ZNF367: variants seen among roughly 807,000 people sequenced by gnomAD.
ZNF367 encodes C2H2 zinc finger protein ZFF29.
A neutral mutation model predicts 31.8 loss-of-function variants in ZNF367; 11 were observed. The ratio of observed to expected loss-of-function variants is 0.35; its 90% CI spans 0.22 to 0.57. ZNF367 has a LOEUF of 0.57. ZNF367 is among the 20% of genes least tolerant of loss of function. The pLI is 0.85. For missense variants in ZNF367, 353 were observed against 484.1 expected, an observed-to-expected ratio of 0.73 and a Z score of 2.54; for synonymous variants, 199 against 202.4, an observed-to-expected ratio of 0.98 and a Z score of 0.14.
At position 96,398,087 on chromosome 9, in the gene ZNF367, C is replaced by CA. The variant is rs374810647; in HGVS notation, c.571+76dup. 1.5e-3 allele frequency: 575 copies of CA among 379,660 alleles called. 24 individuals are homozygous for CA. Among genetic ancestry groups the CA allele is most frequent in the Non-Finnish European group, 1.7e-3 (438 of 256,982 alleles). The allele number at this position is 379,660 out of a possible 1,614,324, so 23.5% of individuals were successfully genotyped here. On this transcript the variant is annotated intron_variant, in intron 2 of 4. Transcript: ENST00000375256. ...CCTGGGCAACAGAGCGAGACTATCT[C>CA]AAAAAAAAAAAAAAAAAAAAAAAAA...
intron 1 of ZNF367, among the ~76,000 whole-genome samples, chr9:96,401,003 A>T (rs1339895343): frequency 6.6e-6 from 1 of 152,202 alleles, no homozygotes; most frequent in African/African-American, 2.4e-5. Context: ...AGGCAGGAGG[A>T]TCACTTGAAT....
Position 96,386,834 on chromosome 9 carries a change from G to C in ZNF367, c.*1403C>G, listed in dbSNP as rs971626940. 1 of 152,096 alleles carries C rather than the reference G, an allele frequency of 6.6e-6. No individual in the cohort carries two copies. Among genetic ancestry groups the C allele is most frequent in the Non-Finnish European group, 1.5e-5 (1 of 68,016 alleles). 9.4% of individuals were successfully genotyped at this position (152,096 alleles called of 1,614,324 possible). A position where few individuals can be genotyped will look rare whatever the true frequency, so the allele number is the denominator to read the frequency against. ...ACTTTGTAATGTTTAAACTACATCT[G>C]TAGGAACGTCTTCAACTCAAAAAAG... On this transcript the variant is annotated 3_prime_UTR_variant, in exon 5 of 5. Transcript: ENST00000375256.
intron 1 of ZNF367, among the ~76,000 whole-genome samples, chr9:96,406,502 A>T (rs565831500): frequency 6.6e-6 from 1 of 152,350 alleles, no homozygotes; most frequent in African/African-American, 2.4e-5. Flanking sequence ...TGAATATTCA[A>T]ATTAGTTGTA....
chr9:96,415,647 G>A (rs926458363), intron 1 of ZNF367, among the ~76,000 whole-genome samples: 1 of 150,966 alleles, frequency 6.6e-6, no homozygotes. Context: ...ACGGGCGCCC[G>A]CCACCACGTC....
At chr9:96,413,491 G>A (rs1048063619) in intron 1 of ZNF367, among the ~76,000 whole-genome samples, 3 of 152,134 alleles carry the variant, frequency 2.0e-5, no homozygotes, top group East Asian at 1.9e-4. Flanking sequence ...AGTAGGATAC[G>A]GCAGCCGGTA....
Position 96,387,987 on chromosome 9 carries a change from A to G in ZNF367, c.*250T>C. 1 of 389,534 alleles carries G rather than the reference A, an allele frequency of 2.6e-6. No homozygotes were observed. Among genetic ancestry groups the G allele is most frequent in the East Asian group, 3.8e-5 (1 of 26,366 alleles). 24.1% of individuals were successfully genotyped at this position (389,534 alleles called of 1,614,324 possible). A position where few individuals can be genotyped will look rare whatever the true frequency, so the allele number is the denominator to read the frequency against. ...CTTGCAAAATCTAGCTTCCCACAATATGTAGTTTTCTACCCTGTACTGTGC... is the reference window on the plus strand; with the variant it reads ...CTTGCAAAATCTAGCTTCCCACAATGTGTAGTTTTCTACCCTGTACTGTGC... On this transcript the variant is annotated 3_prime_UTR_variant, in exon 5 of 5. Coordinates refer to ENST00000375256, the MANE Select transcript of ZNF367 (RefSeq NM_153695.4).
rs568437898 is a variant in ZNF367, at chr9:96,407,896, G to A, written c.421-9582C>T. The A allele has an allele frequency of 1.9e-4, 83 of 430,112 alleles. No individual in the cohort carries two copies. The East Asian group carries it at 3.1e-3, about 16-fold the overall frequency. The allele number at this position is 430,112 out of a possible 1,614,324, so 26.6% of individuals were successfully genotyped here. A position where few individuals can be genotyped will look rare whatever the true frequency, so the allele number is the denominator to read the frequency against. ...GCTGGAATTACAGGCATGAGCCACC[G>A]CGCCCGGCCAACGTGAGTAATTTTT... On this transcript the variant is annotated intron_variant, in intron 1 of 4. Coordinates refer to ENST00000375256, the MANE Select transcript of ZNF367 (RefSeq NM_153695.4).
At chr9:96,411,968 T>C (rs1472487888) in intron 1 of ZNF367, among the ~76,000 whole-genome samples, 3 of 152,154 alleles carry the variant, frequency 2.0e-5, no homozygotes, top group Non-Finnish European at 2.9e-5. Flanking sequence ...GCTGGGACTA[T>C]AGGCAAGCGT....
chr9:96,407,463 A>C lies in ZNF367; in HGVS notation c.421-9149T>G. On this transcript the variant is annotated intron_variant, in intron 1 of 4. Coordinates refer to ENST00000375256, the MANE Select transcript of ZNF367 (RefSeq NM_153695.4). ...AACAGCGCCATGCTGAGAAAATATA[A>C]ATGAAAAAAAGACTATCAAAGATGC... 10 of 1,357,080 alleles carry C rather than the reference A, an allele frequency of 7.4e-6. No homozygotes were observed. In the South Asian group the frequency reaches 9.6e-5, roughly 13 times the overall value. 84.1% of individuals were successfully genotyped at this position (1,357,080 alleles called of 1,614,324 possible).
intron 1 of ZNF367, among the ~76,000 whole-genome samples, chr9:96,402,687 G>A (rs1255665378): frequency 7.1e-6 from 1 of 140,938 alleles, no homozygotes; most frequent in Non-Finnish European, 1.5e-5. Flanking sequence ...GGCCAGGCTG[G>A]TCTTGAACTC....
At chr9:96,395,048 TA>T in intron 2 of ZNF367, 106 bp from the exon 3 acceptor site, 1 of 1,273,116 alleles carries the variant, frequency 7.9e-7, no homozygotes, top group South Asian at 1.4e-5. Flanking sequence ...CCAATAACAA[TA>T]AAACATGTCA....
chr9:96,417,823 C>T lies in ZNF367; in HGVS notation c.210G>A (p.Pro70=). Residue 70 remains proline (P), a synonymous_variant, in exon 1 of 5, where the codon CCG becomes CCA. Coordinates refer to ENST00000375256, the MANE Select transcript of ZNF367 (RefSeq NM_153695.4). This position sits in a 1 kb window ranked among gnomAD's most constrained non-coding sequence, Gnocchi z 5.0. ...SPGFSDFMVY[P]WRWGENAHNV... is the part of the protein sequence containing the mutation. ...TGTGTGCGTTCTCGCCCCAGCGCCA[C>T]GGGTACACCATGAAGTCGCTGAAGC... The T allele has an allele frequency of 6.9e-7, 1 of 1,456,026 alleles. No individual in the cohort carries two copies. The highest frequency in any genetic ancestry group is 9.0e-7 in the Non-Finnish European group (1 of 1,109,948). The allele number at this position is 1,456,026 out of a possible 1,614,324, so 90.2% of individuals were successfully genotyped here.
intron 1 of ZNF367, among the ~76,000 whole-genome samples, chr9:96,401,876 A>G (rs1831608687): frequency 6.8e-6 from 1 of 148,112 alleles, no homozygotes; most frequent in African/African-American, 2.5e-5. Context: ...GTGTGTGCCT[A>G]TAGTCCCAGC....
intron 2 of ZNF367, 114 bp from the exon 3 acceptor site, chr9:96,395,056 G>T: frequency 8.5e-7 from 1 of 1,172,194 alleles, no homozygotes; most frequent in Non-Finnish European, 1.2e-6. Flanking sequence ...AATAAAACAT[G>T]TCATGGCCCC....
rs577976056 is a variant in ZNF367 at position 96,417,584 on chromosome 9, C to T, written c.420+29G>A. The T allele has an allele frequency of 5.1e-6, 2 of 392,820 alleles. No homozygotes were observed. The highest frequency in any genetic ancestry group is 8.3e-6 in the Non-Finnish European group (2 of 241,160). The allele number at this position is 392,820 out of a possible 1,614,324, so 24.3% of individuals were successfully genotyped here. A position where few individuals can be genotyped will look rare whatever the true frequency, so the allele number is the denominator to read the frequency against. On this transcript the variant is annotated intron_variant, in intron 1 of 4. Transcript: ENST00000375256. This position sits in a 1 kb window ranked among gnomAD's most constrained non-coding sequence, Gnocchi z 5.0. ...TAACGGGCCCCGGCTGCCCCACGTC[C>T]CGCCCGCCCGCCCGCCCGCGCCGCT...
At chr9:96,395,036 T>A in intron 2 of ZNF367, 94 bp from the exon 3 acceptor site, 1 of 1,351,680 alleles carries the variant, frequency 7.4e-7, no homozygotes, top group Non-Finnish European at 1.0e-6. Context: ...AGGTCATGAC[T>A]CCCAATAACA....
chr9:96,389,204 G>A (rs1831440268), intron 4 of ZNF367, among the ~76,000 whole-genome samples: 1 of 151,836 alleles, frequency 6.6e-6, no homozygotes, highest in Non-Finnish European at 1.5e-5. Context: ...AGAGGCTGAG[G>A]CAGGAGAATG....
Position 96,417,843 on chromosome 9 carries a change from T to G in ZNF367, c.190A>C (p.Ser64Arg). 1 of 1,495,724 alleles carries G rather than the reference T, an allele frequency of 6.7e-7. No homozygotes were observed. The highest frequency in any genetic ancestry group is 1.3e-5 in the South Asian group (1 of 76,728). The allele number at this position is 1,495,724 out of a possible 1,614,324, so 92.7% of individuals were successfully genotyped here. A position where few individuals can be genotyped will look rare whatever the true frequency, so the allele number is the denominator to read the frequency against. The change falls in exon 1 of 5, where the codon AGC becomes CGC. Residue 64 changes from serine to arginine, a missense_variant. This residue lies in a region of ZNF367 where 31 missense variants were observed against 58.4 expected (regional missense o/e 0.53). Coordinates refer to ENST00000375256, the MANE Select transcript of ZNF367 (RefSeq NM_153695.4). The surrounding 1 kb of genome is among the most constrained non-coding windows in gnomAD (Gnocchi z 5.0). ...PPLIPTSPGFSDFMVYPWRWG... is the reference protein window; with the variant it reads ...PPLIPTSPGFRDFMVYPWRWG... Reference sequence around the variant, plus strand: ...CGCCACGGGTACACCATGAAGTCGCTGAAGCCGGGGCTGGTGGGGATGAGC... The same window carrying G: ...CGCCACGGGTACACCATGAAGTCGCGGAAGCCGGGGCTGGTGGGGATGAGC...
intron 4 of ZNF367, among the ~76,000 whole-genome samples, chr9:96,389,073 A>G (rs906906595): frequency 4.6e-5 from 7 of 152,162 alleles, no homozygotes; most frequent in African/African-American, 1.4e-4. Flanking sequence ...CAAGGCAGGC[A>G]GATCACTTGA....
Sources: allele counts gnomAD v4.1 joint callset (sites outside exome capture counted in the v4.1 genomes callset), GRCh38; gene constraint gnomAD v4.1.1; regional missense constraint gnomAD v4.1.1; non-coding constraint Gnocchi (gnomAD v3.1); transcripts MANE v1.5; gene names NCBI Gene and HGNC (gene_info 2026-07-23, HGNC 2026-07-21).